RPS6KA2: variants seen among roughly 807,000 people sequenced by gnomAD.
The protein encoded by RPS6KA2 is ribosomal protein S6 kinase alpha-2.
A neutral mutation model predicts 91.8 loss-of-function variants in RPS6KA2; 42 were observed. The ratio of observed to expected loss-of-function variants is 0.46; its 90% CI spans 0.36 to 0.59. RPS6KA2 has a LOEUF of 0.59. Ranked by LOEUF, RPS6KA2 falls within the 20% of genes least tolerant of loss-of-function variation. The pLI, the probability that RPS6KA2 is intolerant of heterozygous loss-of-function variation, is 0.00. For missense variants in RPS6KA2, 798 were observed against 978.5 expected, an observed-to-expected ratio of 0.82 and a Z score of 2.46; for synonymous variants, 414 against 393.6, an observed-to-expected ratio of 1.05 and a Z score of -0.61.
chr6:166,547,142 T>C (rs1783852696), intron 1 of RPS6KA2, among the ~76,000 whole-genome samples: 1 of 152,090 alleles, frequency 6.6e-6, no homozygotes, highest in Admixed American at 6.5e-5. Context: ...GATCAGACCG[T>C]TCAGATACCC....
intron 2 of RPS6KA2, among the ~76,000 whole-genome samples, chr6:166,815,583 T>C (rs749532608): frequency 1.3e-5 from 2 of 152,188 alleles, no homozygotes; most frequent in African/African-American, 2.4e-5. Context: ...AATAATCTGA[T>C]GTGCAAAGGA....
At chr6:166,442,007 C>T (rs985735620) in intron 14 of RPS6KA2, among the ~76,000 whole-genome samples, 9 of 152,182 alleles carry the variant, frequency 5.9e-5, no homozygotes, top group African/African-American at 1.9e-4. Context: ...AACCATGGCC[C>T]ACTTGGTGGC....
chr6:166,822,361 G>T (rs755581012), intron 2 of RPS6KA2, among the ~76,000 whole-genome samples: 3 of 152,176 alleles, frequency 2.0e-5, no homozygotes, highest in Non-Finnish European at 4.4e-5. Flanking sequence ...AAAGAGATTA[G>T]GGCACAGGGA....
intron 5 of RPS6KA2, among the ~76,000 whole-genome samples, chr6:166,506,626 G>A (rs888311827): frequency 1.3e-5 from 2 of 152,188 alleles, no homozygotes; most frequent in African/African-American, 4.8e-5. Context: ...CCACAGAAAC[G>A]TGCACCACTG....
Position 166,612,643 on chromosome 6 carries a change from T to C in RPS6KA2, c.99+14278A>G, listed in dbSNP as rs1786226887. 6.6e-6 allele frequency among the ~76,000 whole-genome samples: 1 copy of C among 152,166 alleles called. No homozygotes were observed. Among genetic ancestry groups the C allele is most frequent in the Non-Finnish European group, 1.5e-5 (1 of 68,024 alleles). ...ACTGCTTTGCAGAGCCCGTGGGCTG[T>C]GCTCCATTTATCACTCTGTCCGGGC... On this transcript the variant is annotated intron_variant, in intron 1 of 20. Transcript: ENST00000265678. This position sits in a 1 kb window ranked among gnomAD's most constrained non-coding sequence, Gnocchi z 4.3.
chr6:166,430,384 C>G (rs1478735775), intron 16 of RPS6KA2, 69 bp downstream of exon 16: 14 of 1,417,782 alleles, frequency 9.9e-6, no homozygotes, highest in Non-Finnish European at 1.4e-5. Flanking sequence ...AACCCATAAA[C>G]CCTTGTGGTT....
At chr6:166,772,076 G>A (rs1313797375) in intron 2 of RPS6KA2, among the ~76,000 whole-genome samples, 1 of 152,196 alleles carries the variant, frequency 6.6e-6, no homozygotes, top group Non-Finnish European at 1.5e-5. Context: ...AGTTGCTAAT[G>A]CTGACTTTAC....
chr6:166,677,247 C>T (rs1221064805), intron 2 of RPS6KA2, among the ~76,000 whole-genome samples: 1 of 152,016 alleles, frequency 6.6e-6, no homozygotes, highest in African/African-American at 2.4e-5. Flanking sequence ...AGGTTTTATA[C>T]CTAAGAGGCA....
chr6:166,469,331 T>G (rs1411872812), intron 11 of RPS6KA2, among the ~76,000 whole-genome samples: 2 of 151,504 alleles, frequency 1.3e-5, no homozygotes, highest in Non-Finnish European at 2.9e-5. Flanking sequence ...CTGTTGTTTT[T>G]TTTTTTTTTT....
At chr6:166,795,094 A>G (rs1249244811) in intron 2 of RPS6KA2, among the ~76,000 whole-genome samples, 1 of 152,122 alleles carries the variant, frequency 6.6e-6, no homozygotes, top group Non-Finnish European at 1.5e-5. Context: ...TATTTTTCTC[A>G]TTTTCTACAT....
At chr6:166,668,409 G>GTGCT (rs1172578115) in intron 2 of RPS6KA2, among the ~76,000 whole-genome samples, 2 of 152,212 alleles carry the variant, frequency 1.3e-5, no homozygotes, top group African/African-American at 4.8e-5. Context: ...ACGTGAGGCT[G>GTGCT]TGCTTCATGG....
chr6:166,436,744 T>C (rs749920451), intron 14 of RPS6KA2, among the ~76,000 whole-genome samples: 16 of 152,274 alleles, frequency 1.1e-4, no homozygotes, highest in African/African-American at 3.8e-4. Context: ...GCATGGGAAA[T>C]GGCGCTCCCC....
At chr6:166,589,839 C>T (rs965860413) in intron 1 of RPS6KA2, among the ~76,000 whole-genome samples, 1 of 152,142 alleles carries the variant, frequency 6.6e-6, no homozygotes, top group Non-Finnish European at 1.5e-5. Context: ...ATTTGATATA[C>T]AACATAAACT....
chr6:166,771,540 G>A (rs75495085), intron 2 of RPS6KA2, among the ~76,000 whole-genome samples: 4,234 of 152,196 alleles, frequency 0.028, 210 homozygotes, highest in African/African-American at 0.094. Context: ...CAGAGACAAC[G>A]GCTACCCTTA....
At position 166,510,277 on chromosome 6, in the gene RPS6KA2, C is replaced by T. The variant is rs376705101; in HGVS notation, c.379G>A (p.Ala127Thr). ...AAAGTGTCATTTTGACTCTACTTAC[C>T]ATAATGAAGCTTCACAATGAAGGGG... ...NHPFIVKLHY[A>T]FQTEGKLYLI... Residue 127 changes from alanine to threonine, a missense_variant and splice_region_variant, in exon 4 of 21, where the codon GCC becomes ACC. Ala to Thr is a moderately conservative substitution (Grantham distance 58). Coordinates refer to ENST00000265678, the MANE Select transcript of RPS6KA2 (RefSeq NM_021135.6). 2.1e-5 allele frequency: 34 copies of T among 1,587,274 alleles called. No individual in the cohort carries two copies. The highest frequency in any genetic ancestry group is 2.8e-5 in the Non-Finnish European group (33 of 1,159,144).
rs543769227 is a variant in RPS6KA2, at chr6:166,726,352, G to A, written c.123+131848C>T. 1.2e-4 allele frequency among the ~76,000 whole-genome samples: 18 copies of A among 152,276 alleles called. No homozygotes were observed. The East Asian group carries it at 2.9e-3, about 25-fold the overall frequency. On this transcript the variant is annotated intron_variant, in intron 2 of 21. Coordinates refer to the RPS6KA2 transcript ENST00000503859. This position sits in a 1 kb window ranked among gnomAD's most constrained non-coding sequence, Gnocchi z 4.4. ...GGGAAAGGGCTAAACTCCACTGGGGGAAAGTTCCATTCCACCTCCGATTCC... is the reference window on the plus strand; with the variant it reads ...GGGAAAGGGCTAAACTCCACTGGGGAAAAGTTCCATTCCACCTCCGATTCC...
At position 166,435,858 on chromosome 6, in the gene RPS6KA2, C is replaced by T. The variant is rs76941958; in HGVS notation, c.1333-3368G>A. Among the ~76,000 whole-genome samples the T allele has an allele frequency of 1.3e-3, 197 of 152,366 alleles. No individual in the cohort carries two copies. Among genetic ancestry groups the T allele is most frequent in the African/African-American group, 3.9e-3 (163 of 41,596 alleles). On this transcript the variant is annotated intron_variant, in intron 14 of 20. Transcript: ENST00000265678. This position sits in a 1 kb window ranked among gnomAD's most constrained non-coding sequence, Gnocchi z 4.3. Reference sequence around the variant, plus strand: ...GCTGGAAAGGTGGAGGAAGGCGTTGCTCCTGGGGAGGCCACGTGCTGCGTG... The same window carrying T: ...GCTGGAAAGGTGGAGGAAGGCGTTGTTCCTGGGGAGGCCACGTGCTGCGTG...
At chr6:166,522,904 C>A (rs1439069301) in intron 3 of RPS6KA2, among the ~76,000 whole-genome samples, 1 of 152,184 alleles carries the variant, frequency 6.6e-6, no homozygotes, top group Non-Finnish European at 1.5e-5. Flanking sequence ...GACTCCCCAA[C>A]AGGTGTCTTT....
At chr6:166,797,596 A>G (rs1048157992) in intron 2 of RPS6KA2, among the ~76,000 whole-genome samples, 2 of 152,230 alleles carry the variant, frequency 1.3e-5, no homozygotes, top group East Asian at 3.9e-4. Context: ...TGTACCATCC[A>G]TTAAGTGGAA....
Sources: gnomAD v4.1 joint callset for allele counts (sites outside exome capture counted in the v4.1 genomes callset) on GRCh38, gnomAD v4.1.1 for gene constraint, Gnocchi (gnomAD v3.1) non-coding constraint, MANE v1.5 for transcripts, NCBI Gene and HGNC (gene_info 2026-07-23, HGNC 2026-07-21) for gene names.